Variants in PPM1H observed in about 807,000 individuals in gnomAD.
The protein encoded by PPM1H is protein phosphatase, Mg2+/Mn2+ dependent 1H.
PPM1H carries 27 observed loss-of-function variants against 54.9 expected under a neutral mutation model. That is an observed-to-expected ratio of 0.49 (90% CI 0.36 to 0.68). The LOEUF (loss-of-function observed/expected upper bound fraction) is 0.68. Ranked by LOEUF, PPM1H falls within the 30% of genes least tolerant of loss-of-function variation. PPM1H has a pLI of 0.00. For missense variants in PPM1H, 596 were observed against 667.8 expected (o/e 0.89, Z 1.19); for synonymous variants, 305 against 270.8 (o/e 1.13, Z -1.24).
chr12:62,791,820 A>G (rs886689699), intron 3 of PPM1H, among the ~76,000 whole-genome samples: 1 of 152,140 alleles, frequency 6.6e-6, no homozygotes, highest in Non-Finnish European at 1.5e-5. Flanking sequence ...GCTACTTGGG[A>G]GGCTGAGATA....
chr12:62,815,638 G>A (rs926077906), intron 2 of PPM1H, among the ~76,000 whole-genome samples: 1 of 152,094 alleles, frequency 6.6e-6, no homozygotes, highest in African/African-American at 2.4e-5. Context: ...AATATTTATT[G>A]AGCACCTACC....
chr12:62,877,920 C>T (rs1373699981), intron 1 of PPM1H, among the ~76,000 whole-genome samples: 1 of 152,094 alleles, frequency 6.6e-6, no homozygotes, highest in African/African-American at 2.4e-5. Context: ...TTTTTTGAGG[C>T]GGGGTCTCGC....
intron 2 of PPM1H, among the ~76,000 whole-genome samples, chr12:62,814,857 T>G (rs1193599131): frequency 6.6e-6 from 1 of 152,230 alleles, no homozygotes; most frequent in African/African-American, 2.4e-5. Context: ...GAAACAGAGT[T>G]GCCATATTTT....
At chr12:62,724,753 T>C (rs2076280940) in intron 5 of PPM1H, among the ~76,000 whole-genome samples, 2 of 152,224 alleles carry the variant, frequency 1.3e-5, no homozygotes, top group Non-Finnish European at 1.5e-5. Flanking sequence ...ATATGTATAA[T>C]TCTTTCTTAA....
intron 1 of PPM1H, among the ~76,000 whole-genome samples, chr12:62,915,581 C>A (rs1384322748): frequency 6.6e-6 from 1 of 152,190 alleles, no homozygotes; most frequent in East Asian, 1.9e-4. Flanking sequence ...AAAGTCCCTC[C>A]CACTTCCCCT....
At chr12:62,784,206 T>C (rs1230763913) in intron 4 of PPM1H, among the ~76,000 whole-genome samples, 2 of 152,164 alleles carry the variant, frequency 1.3e-5, no homozygotes, top group Non-Finnish European at 1.5e-5. Flanking sequence ...GCAAGTTCTA[T>C]CAGGGCACGG....
At chr12:62,921,862 A>AG (rs1322649296) in intron 1 of PPM1H, among the ~76,000 whole-genome samples, 6 of 152,242 alleles carry the variant, frequency 3.9e-5, no homozygotes, top group Admixed American at 1.3e-4. Flanking sequence ...TAAATTTTAC[A>AG]GGGGACTCAC....
chr12:62,722,328 C>A (rs2076268479), intron 5 of PPM1H, among the ~76,000 whole-genome samples: 1 of 152,154 alleles, frequency 6.6e-6, no homozygotes, highest in Admixed American at 6.5e-5. Context: ...AGCCCCATAC[C>A]AGGTACTTCA....
chr12:62,805,348 A>G (rs1463456968), intron 2 of PPM1H, among the ~76,000 whole-genome samples: 1 of 152,238 alleles, frequency 6.6e-6, no homozygotes, highest in African/African-American at 2.4e-5. Context: ...AAGCAATTTT[A>G]CTGCTGGTTA....
intron 4 of PPM1H, among the ~76,000 whole-genome samples, chr12:62,757,175 G>T (rs1453843146): frequency 6.6e-6 from 1 of 152,140 alleles, no homozygotes; most frequent in Non-Finnish European, 1.5e-5. Context: ...GCTCTCGTAG[G>T]GCTGGGTTAT....
chr12:62,887,015 G>A (rs1348564986), intron 1 of PPM1H, among the ~76,000 whole-genome samples: 1 of 152,196 alleles, frequency 6.6e-6, no homozygotes, highest in African/African-American at 2.4e-5. Flanking sequence ...TGTACAGGGG[G>A]ACAGGAAGTG....
intron 1 of PPM1H, among the ~76,000 whole-genome samples, chr12:62,900,531 GTAATAATAA>G (rs57828355): frequency 4.2e-5 from 6 of 142,642 alleles, no homozygotes; most frequent in African/African-American, 1.6e-4. Context: ...AACTTAAAAT[GTAATAATAA>G]TAATAATAAT....
intron 1 of PPM1H, among the ~76,000 whole-genome samples, chr12:62,846,387 C>A (rs1219489935): frequency 6.6e-6 from 1 of 151,574 alleles, no homozygotes; most frequent in African/African-American, 2.4e-5. Flanking sequence ...GTAGTCCCAG[C>A]TACTAAGGAG....
intron 9 of PPM1H, among the ~76,000 whole-genome samples, chr12:62,653,766 T>G (rs1455996389): frequency 6.6e-6 from 1 of 152,146 alleles, no homozygotes; most frequent in Non-Finnish European, 1.5e-5. Flanking sequence ...GCTTTTTGGC[T>G]TAGGATCCCC....
chr12:62,869,388 A>C (rs1218673029), intron 1 of PPM1H, among the ~76,000 whole-genome samples: 1 of 152,230 alleles, frequency 6.6e-6, no homozygotes, highest in Non-Finnish European at 1.5e-5. Flanking sequence ...CAGAATTCAA[A>C]GGGGCATGTA....
At chr12:62,859,808 T>C (rs950527666) in intron 1 of PPM1H, among the ~76,000 whole-genome samples, 1 of 152,090 alleles carries the variant, frequency 6.6e-6, no homozygotes, top group African/African-American at 2.4e-5. Flanking sequence ...GGCACATCCA[T>C]TGTTGCTGTG....
chr12:62,833,904 G>A (rs887692476), intron 1 of PPM1H, among the ~76,000 whole-genome samples: 1 of 146,162 alleles, frequency 6.8e-6, no homozygotes, highest in Non-Finnish European at 1.5e-5. Context: ...TTGATTGGAA[G>A]GAGAATTTTT....
intron 5 of PPM1H, among the ~76,000 whole-genome samples, chr12:62,736,459 G>GA (rs1434426222): frequency 6.6e-6 from 1 of 152,182 alleles, no homozygotes; most frequent in Non-Finnish European, 1.5e-5. Flanking sequence ...AACAGTAGGT[G>GA]AAAGATTGAA....
At chr12:62,738,780 G>C in intron 4 of PPM1H, among the ~76,000 whole-genome samples, 1 of 152,126 alleles carries the variant, frequency 6.6e-6, no homozygotes, top group East Asian at 1.9e-4. Context: ...GATCAGCTCA[G>C]ATCTGAGTGG....
Sources: gnomAD v4.1 joint callset for allele counts (sites outside exome capture counted in the v4.1 genomes callset) on GRCh38, gnomAD v4.1.1 for gene constraint, MANE v1.5 for transcripts, NCBI Gene and HGNC (gene_info 2026-07-23, HGNC 2026-07-21) for gene names.